IMMP2L: variants seen among roughly 807,000 people sequenced by gnomAD.
IMMP2L encodes mitochondrial inner membrane protease subunit 2.
IMMP2L carries 18 observed loss-of-function variants against 19.3 expected under a neutral mutation model. The ratio of observed to expected loss-of-function variants is 0.93; its 90% CI spans 0.64 to 1.38. The LOEUF is 1.38. Ranked by LOEUF, IMMP2L falls within the 40% of genes most tolerant of loss-of-function variation. The pLI, the probability that IMMP2L is intolerant of heterozygous loss-of-function variation, is 0.00. For missense variants in IMMP2L, 233 were observed against 218.2 expected (o/e 1.07, Z -0.43); for synonymous variants, 76 against 73.0 (o/e 1.04, Z -0.21).
intron 3 of IMMP2L, among the ~76,000 whole-genome samples, chr7:111,219,137 A>C (rs539033573): frequency 6.6e-6 from 1 of 152,074 alleles, no homozygotes; most frequent in Non-Finnish European, 1.5e-5. Context: ...TTAGCTGTTT[A>C]GCTGTTAACC....
chr7:110,749,525 A>G (rs529809131), intron 5 of IMMP2L, among the ~76,000 whole-genome samples: 171 of 152,348 alleles, frequency 1.1e-3, no homozygotes, highest in African/African-American at 3.9e-3. Flanking sequence ...GGCTGGATAA[A>G]GAAAATGTGG....
chr7:111,268,586 T>C (rs1355306384), intron 3 of IMMP2L, among the ~76,000 whole-genome samples: 6 of 34,998 alleles, frequency 1.7e-4, no homozygotes, highest in African/African-American at 5.2e-4. Context: ...TTTTTTTTTT[T>C]TTTTTTTTTT....
At chr7:111,235,694 G>A (rs1042509797) in intron 3 of IMMP2L, among the ~76,000 whole-genome samples, 3 of 151,392 alleles carry the variant, frequency 2.0e-5, no homozygotes, top group Non-Finnish European at 4.4e-5. Context: ...TCTTGTGCTT[G>A]GGGTTTTTTT....
intron 4 of IMMP2L, among the ~76,000 whole-genome samples, chr7:110,895,710 T>C: frequency 6.6e-6 from 1 of 152,178 alleles, no homozygotes; most frequent in East Asian, 1.9e-4. Flanking sequence ...TCTGTTCTGT[T>C]GTGGGACTGA....
intron 3 of IMMP2L, among the ~76,000 whole-genome samples, chr7:111,038,868 C>G (rs1791607907): frequency 6.6e-6 from 1 of 152,108 alleles, no homozygotes; most frequent in Non-Finnish European, 1.5e-5. Flanking sequence ...GAAATTCTCT[C>G]AAAGTACAAG....
At chr7:111,134,683 C>T (rs1053849230) in intron 3 of IMMP2L, among the ~76,000 whole-genome samples, 3 of 151,938 alleles carry the variant, frequency 2.0e-5, no homozygotes, top group Non-Finnish European at 2.9e-5. Context: ...TTTTTCAATT[C>T]TTCAATAATG....
chr7:110,980,883 A>C (rs1232532089), intron 3 of IMMP2L, among the ~76,000 whole-genome samples: 1 of 152,238 alleles, frequency 6.6e-6, no homozygotes, highest in African/African-American at 2.4e-5. Context: ...GCTATTAAAC[A>C]TGATGAAAAT....
At chr7:111,086,612 C>T (rs1470031977) in intron 3 of IMMP2L, among the ~76,000 whole-genome samples, 2 of 152,212 alleles carry the variant, frequency 1.3e-5, no homozygotes. Flanking sequence ...CTACTACTCA[C>T]CTTACATCAT....
chr7:111,308,712 A>C (rs1823162942), intron 3 of IMMP2L, among the ~76,000 whole-genome samples: 1 of 152,014 alleles, frequency 6.6e-6, no homozygotes, highest in African/African-American at 2.4e-5. Context: ...ATTATAATAA[A>C]AAATTCTCAG....
Position 111,109,192 on chromosome 7 carries a change from T to A in IMMP2L, c.240-145627A>T, listed in dbSNP as rs554563556. Among the ~76,000 whole-genome samples, 20 of 152,090 alleles carry A rather than the reference T, an allele frequency of 1.3e-4. No homozygotes were observed. The South Asian group carries it at 4.2e-3, about 32-fold the overall frequency. On this transcript the variant is annotated intron_variant, in intron 3 of 5. Coordinates refer to ENST00000405709, the MANE Select transcript of IMMP2L (RefSeq NM_032549.4). ...CAAACATCTAGAATGTGTAAAACATTTTCAGTACAATTTAACATGTTCATT... is the reference window on the plus strand; with the variant it reads ...CAAACATCTAGAATGTGTAAAACATATTCAGTACAATTTAACATGTTCATT...
At chr7:111,030,644 C>T (rs1471357556) in intron 3 of IMMP2L, among the ~76,000 whole-genome samples, 1 of 151,886 alleles carries the variant, frequency 6.6e-6, no homozygotes, top group Non-Finnish European at 1.5e-5. Context: ...CTATGAAGTT[C>T]TCAACTATGA....
intron 5 of IMMP2L, among the ~76,000 whole-genome samples, chr7:110,695,749 C>A (rs1019514423): frequency 6.6e-6 from 1 of 151,940 alleles, no homozygotes; most frequent in East Asian, 1.9e-4. Context: ...TAGAGAGACA[C>A]CAAAGCAACA....
intron 5 of IMMP2L, among the ~76,000 whole-genome samples, chr7:110,687,024 A>T (rs1488976718): frequency 6.6e-6 from 1 of 152,000 alleles, no homozygotes; most frequent in African/African-American, 2.4e-5. Context: ...TTCCTCTACC[A>T]CATACCCTGA....
intron 4 of IMMP2L, among the ~76,000 whole-genome samples, chr7:110,961,249 T>C (rs1485464106): frequency 1.3e-5 from 2 of 151,784 alleles, no homozygotes; most frequent in Admixed American, 1.3e-4. Context: ...CCCCCACAGA[T>C]ACCAAAATCC....
chr7:111,390,459 T>C (rs944554370), intron 3 of IMMP2L: 4 of 152,134 alleles, frequency 2.6e-5, no homozygotes, highest in African/African-American at 9.7e-5. Flanking sequence ...AAACATAGCT[T>C]GATATAGGCA....
chr7:111,072,931 G>C (rs1011797461), intron 3 of IMMP2L, among the ~76,000 whole-genome samples: 1 of 150,276 alleles, frequency 6.7e-6, no homozygotes, highest in Non-Finnish European at 1.5e-5. Flanking sequence ...AGTCTAAAGA[G>C]ACATGACATC....
intron 5 of IMMP2L, among the ~76,000 whole-genome samples, chr7:110,774,786 A>G (rs1216605175): frequency 6.6e-6 from 1 of 152,082 alleles, no homozygotes; most frequent in Non-Finnish European, 1.5e-5. Context: ...GTTTGTGTAC[A>G]TGTGCTATAT....
chr7:111,433,300 A>G (rs1479134270), intron 3 of IMMP2L, among the ~76,000 whole-genome samples: 2 of 151,792 alleles, frequency 1.3e-5, no homozygotes, highest in Non-Finnish European at 2.9e-5. Flanking sequence ...ATAAAGACAT[A>G]CCCTAGACTG....
chr7:111,355,145 A>G (rs1183953464), intron 3 of IMMP2L, among the ~76,000 whole-genome samples: 1 of 151,892 alleles, frequency 6.6e-6, no homozygotes, highest in Non-Finnish European at 1.5e-5. Flanking sequence ...GACAGTTTTT[A>G]TTGAATATAA....
Sources: allele counts gnomAD v4.1 joint callset (sites outside exome capture counted in the v4.1 genomes callset), GRCh38; gene constraint gnomAD v4.1.1; transcripts MANE v1.5; gene names NCBI Gene and HGNC (gene_info 2026-07-23, HGNC 2026-07-21).